The following SEPTIN9 variants were observed in gnomAD, a reference collection of about 807,000 sequenced individuals.
The protein encoded by SEPTIN9 is septin 9.
Under a neutral mutation model 56.6 loss-of-function variants are expected in SEPTIN9, and 13 were observed. The observed-to-expected ratio is 0.23, with a 90% CI of 0.15 to 0.37. SEPTIN9 has a LOEUF of 0.37. Among genes scored for constraint, SEPTIN9 ranks in the 10% least tolerant of loss-of-function variants. The probability of loss-of-function intolerance (pLI) is 1.00; values close to 1 mark genes in which losing one functional copy is unlikely to be tolerated. For missense variants in SEPTIN9, 650 were observed against 823.1 expected, an observed-to-expected ratio of 0.79 and a Z score of 2.57; for synonymous variants, 332 against 334.1, an observed-to-expected ratio of 0.99 and a Z score of 0.07.
Position 77,445,242 on chromosome 17 carries a change from T to C in SEPTIN9, c.722-36902T>C, listed in dbSNP as rs1484144897. 2.1e-6 allele frequency: 1 copy of C among 470,712 alleles called. No individual in the cohort carries two copies. The highest frequency in any genetic ancestry group is 1.5e-5 in the South Asian group (1 of 64,570). The allele number at this position is 470,712 out of a possible 1,614,324, so 29.2% of individuals were successfully genotyped here. ...TCGGGGCGTCACAGCTACAAATGCA[T>C]ACCAGCCCTCAGAACCACATTCCTG... On this transcript the variant is annotated intron_variant, in intron 3 of 11. Coordinates refer to ENST00000427177, the MANE Select transcript of SEPTIN9 (RefSeq NM_001113491.2). This position sits in a 1 kb window ranked among gnomAD's most constrained non-coding sequence, Gnocchi z 4.7.
chr17:77,475,208 G>T lies in SEPTIN9; in HGVS notation c.722-6936G>T. On this transcript the variant is annotated intron_variant, in intron 3 of 11. Transcript: ENST00000427177. This position sits in a 1 kb window ranked among gnomAD's most constrained non-coding sequence, Gnocchi z 4.6. Reference sequence around the variant, plus strand: ...GGCTTCACAAACCCTGTGTGGGGGGGTTGTGGTGAGAGGAAACCGCACACA... The same window carrying T: ...GGCTTCACAAACCCTGTGTGGGGGGTTTGTGGTGAGAGGAAACCGCACACA... The T allele has an allele frequency of 1.6e-6, 2 of 1,244,736 alleles. No homozygotes were observed. The highest frequency in any genetic ancestry group is 2.0e-6 in the Non-Finnish European group (2 of 989,264). The allele number at this position is 1,244,736 out of a possible 1,614,324, so 77.1% of individuals were successfully genotyped here.
rs140841014 is a variant in SEPTIN9, at chr17:77,413,571, G to A, written c.721+10868G>A. Among the ~76,000 whole-genome samples the A allele has an allele frequency of 3.4e-3, 515 of 152,294 alleles. 2 individuals are homozygous for A. Among genetic ancestry groups the A allele is most frequent in the Non-Finnish European group, 6.1e-3 (416 of 68,024 alleles). The stretch of plus-strand genomic sequence containing the variant: ...GCGTCCTGGGATGCTCCATGTTGAG[G>A]CACATGTGTGCAGTGCAGGGTGATG... On this transcript the variant is annotated intron_variant, in intron 3 of 11. Transcript: ENST00000427177.
intron 3 of SEPTIN9, among the ~76,000 whole-genome samples, chr17:77,415,227 G>A (rs2036457018): frequency 6.6e-6 from 1 of 152,204 alleles, no homozygotes; most frequent in South Asian, 2.1e-4. Flanking sequence ...GCCCTGGGTT[G>A]CCTCTGGGCG....
rs187649824 is a variant in SEPTIN9 at position 77,400,006 on chromosome 17, G to T, written c.77-2053G>T. 4.6e-5 allele frequency among the ~76,000 whole-genome samples: 7 copies of T among 152,278 alleles called. No individual in the cohort carries two copies. The East Asian group carries it at 7.7e-4, about 17-fold the overall frequency. ...TTTAGTTTTAGTTTGTGGAGACAGAGTCTCGCTCTGTCAGTCAGGCTGAGT... is the reference window on the plus strand; with the variant it reads ...TTTAGTTTTAGTTTGTGGAGACAGATTCTCGCTCTGTCAGTCAGGCTGAGT... On this transcript the variant is annotated intron_variant, in intron 2 of 11. Transcript: ENST00000427177. The surrounding 1 kb of genome is among the most constrained non-coding windows in gnomAD (Gnocchi z 4.1).
intron 3 of SEPTIN9, among the ~76,000 whole-genome samples, chr17:77,431,215 A>G (rs899019357): frequency 3.9e-5 from 6 of 152,010 alleles, no homozygotes; most frequent in Middle Eastern, 3.4e-3. Context: ...AGGCTCAGGT[A>G]GGAGGATTGC....
At chr17:77,338,824 T>A (rs1273494468) in intron 2 of SEPTIN9, among the ~76,000 whole-genome samples, 1 of 152,220 alleles carries the variant, frequency 6.6e-6, no homozygotes, top group Non-Finnish European at 1.5e-5. Context: ...ACAATAGAGC[T>A]TCCTTCAAAA....
At chr17:77,496,344 T>G (rs929851820) in intron 10 of SEPTIN9, 2 of 152,008 alleles carry the variant, frequency 1.3e-5, no homozygotes, top group Non-Finnish European at 2.9e-5. Context: ...CCCATTTTCG[T>G]AAGATAATGG....
chr17:77,492,749 G>A lies in SEPTIN9; in HGVS notation c.1476+33G>A. 2 of 1,588,104 alleles carry A rather than the reference G, an allele frequency of 1.3e-6. No individual in the cohort carries two copies. The highest frequency in any genetic ancestry group is 1.7e-6 in the Non-Finnish European group (2 of 1,156,474). ...GATCCACTAGGATGTTGTTCCCAGG[G>A]GACCCCCAGTTCCTGCTGAAGGGTG... is the stretch of plus-strand genomic sequence containing the variant. On this transcript the variant is annotated intron_variant, in intron 9 of 11. Transcript: ENST00000427177. This position sits in a 1 kb window ranked among gnomAD's most constrained non-coding sequence, Gnocchi z 5.4.
At position 77,409,879 on chromosome 17, in the gene SEPTIN9, G is replaced by A. The variant is rs554496410; in HGVS notation, c.721+7176G>A. On this transcript the variant is annotated intron_variant, in intron 3 of 11. Transcript: ENST00000427177. Reference sequence around the variant, plus strand: ...CTCCCCGCCTCGGGGCCCAAAGTGTGGGCAGCCCCTAACCAGACCCTGGAT... The same window carrying A: ...CTCCCCGCCTCGGGGCCCAAAGTGTAGGCAGCCCCTAACCAGACCCTGGAT... 1.9e-4 allele frequency among the ~76,000 whole-genome samples: 29 copies of A among 152,350 alleles called. No individual in the cohort carries two copies. The South Asian group carries it at 3.9e-3, about 21-fold the overall frequency.
Position 77,445,656 on chromosome 17 carries a change from C to T in SEPTIN9, c.722-36488C>T. Reference sequence around the variant, plus strand: ...TGTCACCACACTTCCTAGCAGGTGTCAACCTCCAAGACTGTTCTGGGCTCT... The same window carrying T: ...TGTCACCACACTTCCTAGCAGGTGTTAACCTCCAAGACTGTTCTGGGCTCT... On this transcript the variant is annotated intron_variant, in intron 3 of 11. Coordinates refer to ENST00000427177, the MANE Select transcript of SEPTIN9 (RefSeq NM_001113491.2). The surrounding 1 kb of genome is among the most constrained non-coding windows in gnomAD (Gnocchi z 4.7). The T allele has an allele frequency of 2.8e-6, 1 of 359,886 alleles. No individual in the cohort carries two copies. The highest frequency in any genetic ancestry group is 5.7e-6 in the Non-Finnish European group (1 of 174,122). 22.3% of individuals were successfully genotyped at this position (359,886 alleles called of 1,614,324 possible). A position where few individuals can be genotyped will look rare whatever the true frequency, so the allele number is the denominator to read the frequency against.
intron 2 of SEPTIN9, among the ~76,000 whole-genome samples, chr17:77,366,978 A>G (rs2034589753): frequency 1.3e-5 from 2 of 152,216 alleles, no homozygotes; most frequent in Non-Finnish European, 2.9e-5. Flanking sequence ...TTTGCTGTAA[A>G]TGTTCTGCAC....
intron 3 of SEPTIN9, among the ~76,000 whole-genome samples, chr17:77,404,809 G>A (rs4386185): frequency 0.35 from 52,926 of 151,978 alleles, 10,317 homozygotes; most frequent in Non-Finnish European, 0.44. Flanking sequence ...TGCGAGTCCC[G>A]TGTTCCCTCT....
At position 77,445,502 on chromosome 17, in the gene SEPTIN9, G is replaced by A. The variant is rs530899434; in HGVS notation, c.722-36642G>A. The A allele has an allele frequency of 1.2e-4, 52 of 447,760 alleles. No individual in the cohort carries two copies. The highest frequency in any genetic ancestry group is 1.0e-3 in the African/African-American group (51 of 49,798). The allele number at this position is 447,760 out of a possible 1,614,324, so 27.7% of individuals were successfully genotyped here. A position where few individuals can be genotyped will look rare whatever the true frequency, so the allele number is the denominator to read the frequency against. ...GCAGAGTGCAGGACCTGGGAACTGG[G>A]GGTTGGTGCATGTGTGCACGCACGT... On this transcript the variant is annotated intron_variant, in intron 3 of 11. Transcript: ENST00000427177. This position sits in a 1 kb window ranked among gnomAD's most constrained non-coding sequence, Gnocchi z 4.7.
chr17:77,361,731 C>T (rs1398466814), intron 2 of SEPTIN9, among the ~76,000 whole-genome samples: 1 of 152,058 alleles, frequency 6.6e-6, no homozygotes, highest in African/African-American at 2.4e-5. Context: ...CTCCCAGGTT[C>T]ACGCCATTCT....
Position 77,482,202 on chromosome 17 carries a change from G to T in SEPTIN9, c.780G>T (p.Gly260=), listed in dbSNP as rs2039483683. 6.2e-7 allele frequency: 1 copy of T among 1,610,748 alleles called. No individual in the cohort carries two copies. Among genetic ancestry groups the T allele is most frequent in the East Asian group, 2.2e-5 (1 of 44,806 alleles). The change falls in exon 4 of 12, where the codon GGG becomes GGT. Residue 260 remains glycine, a synonymous_variant. Coordinates refer to ENST00000427177, the MANE Select transcript of SEPTIN9 (RefSeq NM_001113491.2). Reference sequence around the variant, plus strand: ...TGGCCGACACCCCCAGAGATGCCGGGCTCAAGCAGGCGCCTGCATCACGGA... The same window carrying T: ...TGGCCGACACCCCCAGAGATGCCGGTCTCAAGCAGGCGCCTGCATCACGGA... ...GDMADTPRDA[G]LKQAPASRNE...
intron 3 of SEPTIN9, among the ~76,000 whole-genome samples, chr17:77,431,262 C>T (rs1187510771): frequency 6.6e-6 from 1 of 152,002 alleles, no homozygotes; most frequent in Non-Finnish European, 1.5e-5. Context: ...GAGCTATGAC[C>T]ACACCACTGT....
At chr17:77,414,140 G>A (rs12325709) in intron 3 of SEPTIN9, among the ~76,000 whole-genome samples, 5,196 of 151,924 alleles carry the variant, frequency 0.034, 303 homozygotes, top group African/African-American at 0.12. Context: ...GTGCAGTGGC[G>A]CCATCTCGGC....
intron 3 of SEPTIN9, among the ~76,000 whole-genome samples, chr17:77,479,824 G>A (rs1188504672): frequency 6.6e-6 from 1 of 152,126 alleles, no homozygotes. Flanking sequence ...CAGGCAAAAT[G>A]GCTCTCAGAC....
At position 77,492,917 on chromosome 17, in the gene SEPTIN9, G is replaced by A. The variant is rs1476167653; in HGVS notation, c.1477-63G>A. 3 of 1,468,310 alleles carry A rather than the reference G, an allele frequency of 2.0e-6. No individual in the cohort carries two copies. Among genetic ancestry groups the A allele is most frequent in the African/African-American group, 1.4e-5 (1 of 71,378 alleles). 91.0% of individuals were successfully genotyped at this position (1,468,310 alleles called of 1,614,324 possible). ...CAGGCTCAGGGCAGCTCCTCCCGGG[G>A]GCCCAGGGGAGGGAATTGCCTTCCC... is the stretch of plus-strand genomic sequence containing the variant. On this transcript the variant is annotated intron_variant, in intron 9 of 11. Coordinates refer to ENST00000427177, the MANE Select transcript of SEPTIN9 (RefSeq NM_001113491.2). The surrounding 1 kb of genome is among the most constrained non-coding windows in gnomAD (Gnocchi z 5.4).
Sources: gnomAD v4.1 joint callset for allele counts (sites outside exome capture counted in the v4.1 genomes callset) on GRCh38, gnomAD v4.1.1 for gene constraint, Gnocchi (gnomAD v3.1) non-coding constraint, MANE v1.5 for transcripts, NCBI Gene and HGNC (gene_info 2026-07-23, HGNC 2026-07-21) for gene names.